The following CNTLN variants were observed in gnomAD, a reference collection of about 807,000 sequenced individuals.
The protein encoded by CNTLN is centlein.
Under a neutral mutation model 180.0 loss-of-function variants are expected in CNTLN, and 212 were observed. That is an observed-to-expected ratio of 1.18 (90% CI 1.05 to 1.32). The LOEUF (loss-of-function observed/expected upper bound fraction) is 1.32, where lower values mean the gene tolerates loss of function less well. Among genes scored for constraint, CNTLN ranks in the 40% most tolerant of loss-of-function variants. CNTLN has a pLI of 0.00. For synonymous variants in CNTLN, 722 were observed against 563.1 expected (o/e 1.28, Z -3.99); for missense variants, 2,095 against 1,610.9 (o/e 1.30, Z -5.14).
At chr9:17,177,537 G>C (rs1447251107) in intron 2 of CNTLN, among the ~76,000 whole-genome samples, 2 of 152,220 alleles carry the variant, frequency 1.3e-5, no homozygotes, top group African/African-American at 2.4e-5. Context: ...CTTAAAGGCG[G>C]TGTGTCCGAA....
intron 15 of CNTLN, among the ~76,000 whole-genome samples, chr9:17,396,064 C>G (rs1826496153): frequency 6.6e-6 from 1 of 152,184 alleles, no homozygotes; most frequent in Non-Finnish European, 1.5e-5. Context: ...TACACTCGCA[C>G]CAGCGCCATG....
intron 2 of CNTLN, among the ~76,000 whole-genome samples, chr9:17,151,566 A>G (rs1378534347): frequency 1.3e-5 from 2 of 152,174 alleles, no homozygotes; most frequent in African/African-American, 4.8e-5. Context: ...GTTTGCCACT[A>G]TTTTATTGAG....
chr9:17,408,281 G>T (rs1159233123), intron 15 of CNTLN, among the ~76,000 whole-genome samples: 1 of 152,000 alleles, frequency 6.6e-6, no homozygotes, highest in African/African-American at 2.4e-5. Context: ...CATCCATGTG[G>T]GAAAGGGACT....
chr9:17,135,306 A>G lies in CNTLN; in HGVS notation c.241A>G (p.Ser81Gly). The G allele has an allele frequency of 6.2e-7, 1 of 1,601,782 alleles. No homozygotes were observed. The highest frequency in any genetic ancestry group is 8.5e-7 in the Non-Finnish European group (1 of 1,175,124). Residue 81 changes from serine (S) to glycine (G), a missense_variant, in exon 1 of 26, where the codon AGC (serine) becomes GGC (glycine). By Grantham distance (56) the Ser-to-Gly change is moderately conservative (BLOSUM62 0). Coordinates refer to ENST00000380647, the MANE Select transcript of CNTLN (RefSeq NM_017738.4). ...GAAPAHAPLL[S>G]APMGSRRLEG... ...AGCTCCGGCTCATGCTCCCCTCCTC[A>G]GCGCGCCCATGGGGTCCAGACGGCT...
intron 8 of CNTLN, among the ~76,000 whole-genome samples, chr9:17,324,380 C>T (rs931354100): frequency 3.9e-4 from 60 of 152,178 alleles, no homozygotes; most frequent in African/African-American, 1.3e-3. Context: ...TTTTATTTTG[C>T]TATTTAAGAT....
intron 23 of CNTLN, among the ~76,000 whole-genome samples, chr9:17,478,014 A>G (rs1001616805): frequency 3.3e-5 from 5 of 152,236 alleles, no homozygotes; most frequent in African/African-American, 4.8e-5. Context: ...GCTGTCAGCA[A>G]CCATCACCCT....
intron 2 of CNTLN, among the ~76,000 whole-genome samples, chr9:17,165,529 T>C (rs1431473393): frequency 6.6e-6 from 1 of 152,160 alleles, no homozygotes; most frequent in African/African-American, 2.4e-5. Context: ...TCTGTGATGG[T>C]TGGAGTGAAG....
At chr9:17,195,347 A>G (rs368946490) in intron 2 of CNTLN, among the ~76,000 whole-genome samples, 13 of 152,166 alleles carry the variant, frequency 8.5e-5, no homozygotes, top group African/African-American at 2.7e-4. Context: ...ATTGCTGGAA[A>G]TGAAAGGTAT....
chr9:17,141,645 GATAC>G (rs1411529531), intron 1 of CNTLN, among the ~76,000 whole-genome samples: 2 of 152,204 alleles, frequency 1.3e-5, no homozygotes, highest in African/African-American at 4.8e-5. Context: ...ATGAGACCAT[GATAC>G]ATAGCTGGGC....
At chr9:17,233,568 C>G (rs1824943672) in intron 3 of CNTLN, among the ~76,000 whole-genome samples, 1 of 152,220 alleles carries the variant, frequency 6.6e-6, no homozygotes, top group East Asian at 1.9e-4. Context: ...AATTCTTGGT[C>G]ATGAATATTT....
Position 17,390,235 on chromosome 9 carries a change from C to CTTTTTTTTT in CNTLN, c.2079+1995_2079+2003dup, listed in dbSNP as rs35329298. Among the ~76,000 whole-genome samples the CTTTTTTTTT allele has an allele frequency of 1.8e-3, 142 of 77,402 alleles. 12 individuals carry two copies. Among genetic ancestry groups the CTTTTTTTTT allele is most frequent in the African/African-American group, 5.9e-3 (122 of 20,576 alleles). The allele number at this position is 77,402 out of a possible 152,430, so 50.8% of individuals were successfully genotyped here. ...TGTATTTCAGTTTTGAAAAGAGCCT[C>CTTTTTTTTT]TTTTTTTTTTTTTTTTTTTTTGGAG... On this transcript the variant is annotated intron_variant, in intron 14 of 25. Transcript: ENST00000380647.
Position 17,143,349 on chromosome 9 carries a change from C to T in CNTLN, c.422C>T (p.Thr141Ile). 6.2e-7 allele frequency: 1 copy of T among 1,613,624 alleles called. No individual in the cohort carries two copies. Among genetic ancestry groups the T allele is most frequent in the Non-Finnish European group, 8.5e-7 (1 of 1,179,690 alleles). The change falls in exon 2 of 26, where the codon ACA (threonine) becomes ATA (isoleucine). Residue 141 changes from threonine (T) to isoleucine (I), a missense_variant. Thr to Ile is a moderately conservative substitution (Grantham distance 89). Coordinates refer to ENST00000380647, the MANE Select transcript of CNTLN (RefSeq NM_017738.4). ...CTCCAGGTTACAAACCCAGATCTCACACAAGTGGTCAGTTTGGTTGTGGAA... is the reference window on the plus strand; with the variant it reads ...CTCCAGGTTACAAACCCAGATCTCATACAAGTGGTCAGTTTGGTTGTGGAA... ...KRLQVTNPDL[T>I]QVVSLVVERE...
intron 1 of CNTLN, among the ~76,000 whole-genome samples, chr9:17,142,696 G>A (rs1360944118): frequency 6.6e-6 from 1 of 152,106 alleles, no homozygotes; most frequent in Admixed American, 6.5e-5. Flanking sequence ...ACATACTGAT[G>A]CTTGGCTCTA....
chr9:17,484,931 A>G (rs188108889), intron 24 of CNTLN, among the ~76,000 whole-genome samples: 2 of 152,268 alleles, frequency 1.3e-5, no homozygotes, highest in East Asian at 3.9e-4. Context: ...ATTCACCAGT[A>G]TACGCTTTGA....
At chr9:17,304,057 C>T (rs1196118198) in intron 7 of CNTLN, among the ~76,000 whole-genome samples, 1 of 152,016 alleles carries the variant, frequency 6.6e-6, no homozygotes, top group East Asian at 1.9e-4. Flanking sequence ...AGATCTGTAT[C>T]ATAATATCTG....
At chr9:17,155,994 C>A (rs765938101) in intron 2 of CNTLN, among the ~76,000 whole-genome samples, 4 of 152,168 alleles carry the variant, frequency 2.6e-5, no homozygotes, top group Middle Eastern at 3.2e-3. Flanking sequence ...GAAAATTCCC[C>A]CACCCCTTGT....
At chr9:17,201,175 A>G (rs1822498885) in intron 2 of CNTLN, among the ~76,000 whole-genome samples, 1 of 152,198 alleles carries the variant, frequency 6.6e-6, no homozygotes, top group Non-Finnish European at 1.5e-5. Context: ...CATCCTATGG[A>G]TGAAGCCGTC....
intron 23 of CNTLN, among the ~76,000 whole-genome samples, chr9:17,481,543 C>T (rs1027845467): frequency 6.6e-6 from 1 of 152,224 alleles, no homozygotes; most frequent in Non-Finnish European, 1.5e-5. Context: ...CCCCACCCAA[C>T]TGCAGCGTAC....
At chr9:17,234,574 A>G (rs1825018442) in intron 3 of CNTLN, among the ~76,000 whole-genome samples, 1 of 152,114 alleles carries the variant, frequency 6.6e-6, no homozygotes, top group African/African-American at 2.4e-5. Context: ...TTTGGAGACA[A>G]TTTGATAAGG....
Sources: allele counts gnomAD v4.1 joint callset (sites outside exome capture counted in the v4.1 genomes callset), GRCh38; gene constraint gnomAD v4.1.1; transcripts MANE v1.5; gene names NCBI Gene and HGNC (gene_info 2026-07-23, HGNC 2026-07-21).